The following LPCAT3 variants were observed in gnomAD, a reference collection of about 807,000 sequenced individuals.
LPCAT3 encodes lysophosphatidylcholine acyltransferase 3, also known as lysophospholipid acyltransferase 5.
In LPCAT3, 21 loss-of-function variants were observed where a neutral mutation model predicts 63.4. That is an observed-to-expected ratio of 0.33 (90% CI 0.23 to 0.48). LPCAT3 has a LOEUF of 0.48. LPCAT3 is among the 20% of genes least tolerant of loss of function. The pLI, the probability that LPCAT3 is intolerant of heterozygous loss-of-function variation, is 0.99. For missense variants in LPCAT3, 451 were observed against 590.6 expected, an observed-to-expected ratio of 0.76 and a Z score of 2.45; for synonymous variants, 242 against 227.5, an observed-to-expected ratio of 1.06 and a Z score of -0.58.
intron 1 of LPCAT3, among the ~76,000 whole-genome samples, chr12:6,989,019 G>A (rs1470652833): frequency 3.3e-5 from 5 of 151,754 alleles, no homozygotes; most frequent in Admixed American, 1.3e-4. Flanking sequence ...CCAGCTACTC[G>A]GGAGGCTGAG....
At chr12:6,994,557 TC>T (rs1555155851) in intron 1 of LPCAT3, among the ~76,000 whole-genome samples, 2 of 151,948 alleles carry the variant, frequency 1.3e-5, no homozygotes, top group African/African-American at 4.8e-5. Context: ...GCCTCAACTT[TC>T]TAGGTTCAAG....
At chr12:7,004,862 T>C (rs1183666968) in intron 1 of LPCAT3, among the ~76,000 whole-genome samples, 5 of 152,248 alleles carry the variant, frequency 3.3e-5, no homozygotes, top group African/African-American at 1.2e-4. Context: ...TTCAAGGCCC[T>C]TCACAGTCTT....
chr12:6,985,089 T>TA (rs10559240), intron 1 of LPCAT3, among the ~76,000 whole-genome samples: 73 of 112,590 alleles, frequency 6.5e-4, no homozygotes, highest in East Asian at 5.7e-3. Context: ...CCCCATACAT[T>TA]AAAAAAAAAA....
chr12:7,005,080 T>C (rs1555156780), intron 1 of LPCAT3, among the ~76,000 whole-genome samples: 2 of 152,220 alleles, frequency 1.3e-5, no homozygotes, highest in African/African-American at 4.8e-5. Flanking sequence ...CTGTACCGCA[T>C]AGTGGCCATT....
chr12:6,980,277 C>T (rs1405866818), intron 6 of LPCAT3, among the ~76,000 whole-genome samples: 1 of 151,400 alleles, frequency 6.6e-6, no homozygotes, highest in Non-Finnish European at 1.5e-5. Flanking sequence ...TCCTGGCCTC[C>T]AGTGATCCTC....
chr12:6,981,291 G>T, intron 5 of LPCAT3, 109 bp from the exon 6 acceptor site: 1 of 892,918 alleles, frequency 1.1e-6, no homozygotes, highest in Non-Finnish European at 1.7e-6. Context: ...TCTTCAAATA[G>T]CCTTCTCTTT....
intron 1 of LPCAT3, among the ~76,000 whole-genome samples, chr12:6,999,285 C>T (rs782677996): frequency 6.6e-6 from 1 of 152,266 alleles, no homozygotes; most frequent in African/African-American, 2.4e-5. Flanking sequence ...AGCATTGTGA[C>T]AGCTGTGATA....
At position 6,987,046 on chromosome 12, in the gene LPCAT3, G is replaced by C. The variant is rs1393626568; in HGVS notation, c.152-3507C>G. 1.3e-5 allele frequency among the ~76,000 whole-genome samples: 2 copies of C among 152,000 alleles called. No individual in the cohort carries two copies. Among genetic ancestry groups the C allele is most frequent in the Non-Finnish European group, 2.9e-5 (2 of 68,028 alleles). On this transcript the variant is annotated intron_variant, in intron 1 of 12. Coordinates refer to ENST00000261407, the MANE Select transcript of LPCAT3 (RefSeq NM_005768.6). The surrounding 1 kb of genome is among the most constrained non-coding windows in gnomAD (Gnocchi z 4.1). ...GAGAATTGCTTGAACCCAGGAGGCG[G>C]AGGTGGCAGTGAGCTGAGATCACGC...
chr12:7,009,589 C>G (rs1251546060), intron 1 of LPCAT3, among the ~76,000 whole-genome samples: 3 of 152,136 alleles, frequency 2.0e-5, no homozygotes, highest in Non-Finnish European at 4.4e-5. Flanking sequence ...CTGTTGGTCA[C>G]AAGACCATAC....
intron 5 of LPCAT3, 123 bp downstream of exon 5, chr12:6,981,472 T>C (rs1026142868): frequency 1.0e-6 from 1 of 976,348 alleles, no homozygotes; most frequent in South Asian, 1.3e-5. Context: ...GAAAGGGAGA[T>C]TGCACAGGCT....
chr12:6,977,696 C>T lies in LPCAT3; in HGVS notation c.1090G>A (p.Gly364Ser). The T allele has an allele frequency of 1.9e-6, 3 of 1,614,156 alleles. No homozygotes were observed. Among genetic ancestry groups the T allele is most frequent in the Non-Finnish European group, 2.5e-6 (3 of 1,180,032 alleles). ...AGGGCCAGGAATAGCAACGAGAGAC[C>T]CTGAGAGAGTTCTTTATTTCCAAGG... Reference protein sequence around the residue: ...KFLGNKELSQGLSLLFLALWH... With the variant: ...KFLGNKELSQSLSLLFLALWH... Residue 364 changes from glycine to serine, a missense_variant, in exon 10 of 13, where the codon GGT (glycine) becomes AGT (serine). Around this residue, in one of 3 missense-constraint regions of LPCAT3, gnomAD observed 304 missense variants for 390.8 expected, o/e 0.78. Coordinates refer to ENST00000261407, the MANE Select transcript of LPCAT3 (RefSeq NM_005768.6). This position sits in a 1 kb window ranked among gnomAD's most constrained non-coding sequence, Gnocchi z 4.5.
Position 6,977,101 on chromosome 12 carries a change from G to C in LPCAT3, c.*12+33C>G. 1 of 1,264,964 alleles carries C rather than the reference G, an allele frequency of 7.9e-7. No individual in the cohort carries two copies. Among genetic ancestry groups the C allele is most frequent in the Non-Finnish European group, 1.2e-6 (1 of 863,304 alleles). 78.4% of individuals were successfully genotyped at this position (1,264,964 alleles called of 1,614,324 possible). ...AGTCTGTTGCTCTATTCTGTAACCT[G>C]GTGGTAGTTTTAGTTTAGCTGTATT... is the stretch of plus-strand genomic sequence containing the variant. On this transcript the variant is annotated intron_variant, in intron 12 of 12. Coordinates refer to ENST00000261407, the MANE Select transcript of LPCAT3 (RefSeq NM_005768.6). The surrounding 1 kb of genome is among the most constrained non-coding windows in gnomAD (Gnocchi z 4.5).
At chr12:6,980,307 C>T (rs1185388885) in intron 6 of LPCAT3, among the ~76,000 whole-genome samples, 1 of 151,502 alleles carries the variant, frequency 6.6e-6, no homozygotes, top group Non-Finnish European at 1.5e-5. Flanking sequence ...CCTCCCAGAG[C>T]GTTGGCATTA....
In LPCAT3 at chr12:6,979,852, G is replaced by A. The variant is rs781789415; in HGVS notation, c.678-273C>T. 8 of 423,644 alleles carry A rather than the reference G, an allele frequency of 1.9e-5. No homozygotes were observed. In the South Asian group the frequency reaches 2.9e-4, roughly 15 times the overall value. 26.2% of individuals were successfully genotyped at this position (423,644 alleles called of 1,614,324 possible). Reference sequence around the variant, plus strand: ...GTGTTTACCCCTCAGGGATGCTACTGATCTCAAGGTCTTGCCAGGTCTCAC... The same window carrying A: ...GTGTTTACCCCTCAGGGATGCTACTAATCTCAAGGTCTTGCCAGGTCTCAC... On this transcript the variant is annotated intron_variant, in intron 6 of 12. Coordinates refer to ENST00000261407, the MANE Select transcript of LPCAT3 (RefSeq NM_005768.6).
intron 1 of LPCAT3, among the ~76,000 whole-genome samples, chr12:7,000,953 C>T (rs1224047045): frequency 1.3e-5 from 2 of 151,918 alleles, no homozygotes; most frequent in Non-Finnish European, 2.9e-5. Flanking sequence ...GTGATCTGCC[C>T]GCCTCAGCCT....
Position 6,981,597 on chromosome 12 carries a change from G to C in LPCAT3, c.496C>G (p.Gln166Glu), listed in dbSNP as rs1555154087. The change falls in exon 5 of 13, where the codon CAG (glutamine) becomes GAG (glutamate). Residue 166 changes from glutamine (Q) to glutamate (E), a missense_variant and splice_region_variant. Around this residue, in one of 3 missense-constraint regions of LPCAT3, gnomAD observed 304 missense variants for 390.8 expected, o/e 0.78. Transcript: ENST00000261407. ...AVDYFDGGKD[Q>E]NSLSSEQQKY... ...TCTGCCGATGAATGGGTACTTACCT[G>C]ATCTTTCCCTCCGTCAAAGTAGTCA... The C allele has an allele frequency of 1.9e-6, 3 of 1,613,960 alleles. No individual in the cohort carries two copies. The highest frequency in any genetic ancestry group is 2.5e-6 in the Non-Finnish European group (3 of 1,179,916).
intron 5 of LPCAT3, 46 bp from the exon 6 acceptor site, chr12:6,981,228 C>T (rs1345648946): frequency 6.7e-7 from 1 of 1,481,670 alleles, no homozygotes; most frequent in Admixed American, 2.1e-5. Flanking sequence ...CTTGAATCTC[C>T]CCACAAGAGC....
At chr12:7,005,396 T>C (rs781869735) in intron 1 of LPCAT3, among the ~76,000 whole-genome samples, 54 of 152,382 alleles carry the variant, frequency 3.5e-4, no homozygotes, top group African/African-American at 1.3e-3. Flanking sequence ...AATAAAGCTA[T>C]GAACATTTGT....
intron 1 of LPCAT3, among the ~76,000 whole-genome samples, chr12:7,005,353 G>GACA (rs1454183740): frequency 6.6e-6 from 1 of 152,190 alleles, no homozygotes; most frequent in Non-Finnish European, 1.5e-5. Flanking sequence ...CCAATTGGTG[G>GACA]ACAACTGGGT....
Sources: allele counts gnomAD v4.1 joint callset (sites outside exome capture counted in the v4.1 genomes callset), GRCh38; gene constraint gnomAD v4.1.1; regional missense constraint gnomAD v4.1.1; non-coding constraint Gnocchi (gnomAD v3.1); transcripts MANE v1.5; gene names NCBI Gene and HGNC (gene_info 2026-07-23, HGNC 2026-07-21).